The following PLIN4 variants were observed in gnomAD, a reference collection of about 807,000 sequenced individuals.
The protein encoded by PLIN4 is perilipin-4.
PLIN4 carries 57 observed loss-of-function variants against 52.4 expected under a neutral mutation model. The ratio of observed to expected loss-of-function variants is 1.09; its 90% CI spans 0.88 to 1.36. PLIN4 has a LOEUF of 1.36. Among genes scored for constraint, PLIN4 ranks in the 40% most tolerant of loss-of-function variants. The pLI is 0.00. For synonymous variants in PLIN4, 826 were observed against 785.4 expected (o/e 1.05, Z -0.86); for missense variants, 1,757 against 1,770.3 (o/e 0.99, Z 0.13).
In PLIN4 at chr19:4,511,365, A is replaced by C. The variant is rs181881862; in HGVS notation, c.2595T>G (p.Leu865=). The C allele has an allele frequency of 3.5e-4, 284 of 807,216 alleles. 3 individuals carry two copies. The highest frequency in any genetic ancestry group is 4.4e-4 in the Non-Finnish European group (251 of 568,782). The allele number at this position is 807,216 out of a possible 1,614,324, so 50.0% of individuals were successfully genotyped here. The change falls in exon 5 of 8, where the codon CTT becomes CTG. Residue 865 remains leucine (L), a synonymous_variant. Transcript: ENST00000301286. ...QNIATGTKNT[L]GSGVTGAAKV... ...TCGCAGCACCGGTCACCCCACTGCC[A>C]AGGGTGTTCTTTGTACCTGTTGCGA...
rs928973886 is a variant in PLIN4, at chr19:4,508,797, G to C, written c.3673C>G (p.Leu1225Val). The C allele has an allele frequency of 3.1e-6, 5 of 1,595,302 alleles. No homozygotes were observed. The highest frequency in any genetic ancestry group is 2.7e-5 in the African/African-American group (2 of 74,490). The change falls in exon 6 of 8, where the codon CTG (leucine) becomes GTG (valine). Residue 1225 changes from leucine (L) to valine (V), a missense_variant. Physicochemically the swap from Leu to Val is conservative, Grantham distance 32. Around this residue, in one of 7 missense-constraint regions of PLIN4, gnomAD observed 712 missense variants for 637.1 expected, o/e 1.12. Transcript: ENST00000301286. ...CTGAAGCAGTCCTGGAGCTGGGCCA[G>C]AGTGTCCCTGGCTTGGAACTGGCCG... ...QHGQFQARDT[L>V]AQLQDCFRLI...
In PLIN4 at chr19:4,512,196, G is replaced by C; in HGVS notation, c.1764C>G (p.Asp588Glu). Residue 588 changes from aspartate to glutamate, a missense_variant, in exon 5 of 8, where the codon GAC becomes GAG. Physicochemically the swap from Asp to Glu is conservative, Grantham distance 45. This residue lies in a region of PLIN4 where 439 missense variants were observed against 406.4 expected (regional missense o/e 1.08). Coordinates refer to ENST00000301286, the MANE Select transcript of PLIN4 (RefSeq NM_001367868.2). The stretch of plus-strand genomic sequence containing the variant: ...TGCCGGTCAGCACGGTCTTGGCTGT[G>C]TCTACACCTGTCTGGACAGCCCCCT... ...VAKGAVQTGV[D>E]TAKTVLTGTK... 3 of 1,612,384 alleles carry C rather than the reference G, an allele frequency of 1.9e-6. No homozygotes were observed. Among genetic ancestry groups the C allele is most frequent in the Non-Finnish European group, 2.5e-6 (3 of 1,179,640 alleles).
rs376540463 is a variant in PLIN4 at position 4,517,616 on chromosome 19, G to A, written c.134C>T (p.Ala45Val). 13 of 1,610,100 alleles carry A rather than the reference G, an allele frequency of 8.1e-6. No individual in the cohort carries two copies. The African/African-American group carries it at 1.6e-4, about 20-fold the overall frequency. Residue 45 changes from alanine (A) to valine (V), a missense_variant, in exon 3 of 8, where the codon GCC (alanine) becomes GTC (valine). Physicochemically the swap from Ala to Val is moderately conservative, Grantham distance 64. Transcript: ENST00000301286. ...TCCTGTGGGGTCAGCGGCCGGCCGGGCTCTCGCCGAGCTATGTGCGTTGGC... is the reference window on the plus strand; with the variant it reads ...TCCTGTGGGGTCAGCGGCCGGCCGGACTCTCGCCGAGCTATGTGCGTTGGC... ...LVANAHSSAR[A>V]RPAADPTGAP...
Position 4,512,259 on chromosome 19 carries a change from C to A in PLIN4, c.1701G>T (p.Thr567=), listed in dbSNP as rs767265114. 1.2e-5 allele frequency: 19 copies of A among 1,608,420 alleles called. No homozygotes were observed. Among genetic ancestry groups the A allele is most frequent in the Admixed American group, 1.7e-5 (1 of 59,484 alleles). Residue 567 remains threonine, a synonymous_variant, in exon 5 of 8, where the codon ACG becomes ACT. Transcript: ENST00000301286. ...CTGCCCCCGTGAGCCCAGTGGACATCGTGTCTTTTGTACCTATGACCACAG... is the reference window on the plus strand; with the variant it reads ...CTGCCCCCGTGAGCCCAGTGGACATAGTGTCTTTTGTACCTATGACCACAG... ...TKSVVIGTKD[T]MSTGLTGAAN...
Position 4,504,401 on chromosome 19 carries a change from G to A in PLIN4, c.*58C>T. On this transcript the variant is annotated 3_prime_UTR_variant, in exon 8 of 8. Coordinates refer to ENST00000301286, the MANE Select transcript of PLIN4 (RefSeq NM_001367868.2). Reference sequence around the variant, plus strand: ...TTGGGGGCGGGGAGAAAGTTCTGAGGCAGCTCCTCCCTGGACAGAGCAGGG... The same window carrying A: ...TTGGGGGCGGGGAGAAAGTTCTGAGACAGCTCCTCCCTGGACAGAGCAGGG... 12 of 1,411,504 alleles carry A rather than the reference G, an allele frequency of 8.5e-6. No individual in the cohort carries two copies. The South Asian group carries it at 1.5e-4, about 17-fold the overall frequency. The allele number at this position is 1,411,504 out of a possible 1,614,324, so 87.4% of individuals were successfully genotyped here. A position where few individuals can be genotyped will look rare whatever the true frequency, so the allele number is the denominator to read the frequency against.
Position 4,504,447 on chromosome 19 carries a change from A to G in PLIN4, c.*12T>C. 3 of 1,546,618 alleles carry G rather than the reference A, an allele frequency of 1.9e-6. No homozygotes were observed. Among genetic ancestry groups the G allele is most frequent in the Non-Finnish European group, 2.6e-6 (3 of 1,145,986 alleles). On this transcript the variant is annotated 3_prime_UTR_variant, in exon 8 of 8. Coordinates refer to ENST00000301286, the MANE Select transcript of PLIN4 (RefSeq NM_001367868.2). The stretch of plus-strand genomic sequence containing the variant: ...CAGGGCGACCCCGCGCCGGGCCTGC[A>G]GGCTCCTACAGCTACTGCCCGCCAG...
intron 6 of PLIN4, among the ~76,000 whole-genome samples, chr19:4,506,327 C>T (rs1976092712): frequency 6.6e-6 from 1 of 152,184 alleles, no homozygotes; most frequent in Admixed American, 6.5e-5. Context: ...CGGGCCGTGC[C>T]CTCCGCTCAG....
rs201053045 is a variant in PLIN4 at position 4,512,402 on chromosome 19, C to T, written c.1558G>A (p.Gly520Ser). The T allele has an allele frequency of 2.0e-4, 315 of 1,608,590 alleles. No individual in the cohort carries two copies. Among genetic ancestry groups the T allele is most frequent in the East Asian group, 3.6e-4 (16 of 44,738 alleles). ...VNVAKGTVQT[G>S]VDTTKTVLTG... is the part of the protein sequence containing the mutation. ...AGGACAGTCTTGGTGGTGTCTACGC[C>T]GGTCTGGACGGTCCCTTTGGCCACG... Residue 520 changes from glycine (G) to serine (S), a missense_variant, in exon 5 of 8, where the codon GGC becomes AGC. This residue lies in a region of PLIN4 where 439 missense variants were observed against 406.4 expected (regional missense o/e 1.08). Transcript: ENST00000301286.
Position 4,502,418 on chromosome 19 carries a change from CAA to C in PLIN4, c.*2039_*2040del, listed in dbSNP as rs1424086659. 5 of 339,472 alleles carry C rather than the reference CAA, an allele frequency of 1.5e-5. No individual in the cohort carries two copies. Among genetic ancestry groups the C allele is most frequent in the African/African-American group, 1.1e-4 (5 of 45,436 alleles). 21.0% of individuals were successfully genotyped at this position (339,472 alleles called of 1,614,324 possible). ...GCGGGAGCAAGCTCTTCCCAGGAGA[CAA>C]GAGGGACAAACCAGGGCATCTAAGC... On this transcript the variant is annotated 3_prime_UTR_variant, in exon 8 of 8. Transcript: ENST00000301286.
rs555475848 is a variant in PLIN4 at position 4,510,944 on chromosome 19, T to C, written c.3016A>G (p.Ser1006Gly). 6.2e-7 allele frequency: 1 copy of C among 1,612,336 alleles called. No homozygotes were observed. Among genetic ancestry groups the C allele is most frequent in the South Asian group, 1.1e-5 (1 of 90,972 alleles). The change falls in exon 5 of 8, where the codon AGC (serine) becomes GGC (glycine). Residue 1006 changes from serine to glycine, a missense_variant. This residue lies in a region of PLIN4 where 712 missense variants were observed against 637.1 expected (regional missense o/e 1.12). Transcript: ENST00000301286. ...CCCTGGACGGCCCCTTTGGCCATGC[T>C]CATGGCACCGGTAACCCCACTGAAG... ...TVFSGVTGAM[S>G]MAKGAVQGGL...
chr19:4,512,371 C>T lies in PLIN4; in HGVS notation c.1589G>A (p.Gly530Asp). The T allele has an allele frequency of 1.2e-6, 2 of 1,609,068 alleles. No homozygotes were observed. The highest frequency in any genetic ancestry group is 2.2e-5 in the East Asian group (1 of 44,786). Residue 530 changes from glycine (G) to aspartate (D), a missense_variant, in exon 5 of 8, where the codon GGC becomes GAC. Around this residue, in one of 7 missense-constraint regions of PLIN4, gnomAD observed 439 missense variants for 406.4 expected, o/e 1.08. Coordinates refer to ENST00000301286, the MANE Select transcript of PLIN4 (RefSeq NM_001367868.2). ...GVDTTKTVLT[G>D]TKDTVCSGVT... ...CCCACTGCAGACGGTGTCCTTGGTG[C>T]CGGTTAGGACAGTCTTGGTGGTGTC...
intron 5 of PLIN4, among the ~76,000 whole-genome samples, chr19:4,509,371 C>T (rs1203434942): frequency 1.4e-5 from 2 of 141,428 alleles, no homozygotes; most frequent in Admixed American, 7.6e-5. Flanking sequence ...AATCACAGCA[C>T]ATTGGGAGGC....
rs370291369 is a variant in PLIN4, at chr19:4,511,215, G to C, written c.2745C>G (p.Thr915=). The C allele has an allele frequency of 3.1e-6, 5 of 1,612,554 alleles. No individual in the cohort carries two copies. The highest frequency in any genetic ancestry group is 3.4e-6 in the Non-Finnish European group (4 of 1,179,052). Residue 915 remains threonine (T), a synonymous_variant, in exon 5 of 8, where the codon ACC becomes ACG. Transcript: ENST00000301286. ...GGACAGTCTTGCTGGTGTCCACGCC[G>C]GTCTGGACAGTCCCTTTGGCCAAGT... ...AVNLAKGTVQ[T]GVDTSKTVLT...
At chr19:4,507,630 A>G (rs1976133969) in intron 6 of PLIN4, among the ~76,000 whole-genome samples, 1 of 152,122 alleles carries the variant, frequency 6.6e-6, no homozygotes, top group Non-Finnish European at 1.5e-5. Context: ...TTGAAGCTGC[A>G]GTGGGCCATG....
intron 6 of PLIN4, among the ~76,000 whole-genome samples, chr19:4,506,498 C>T (rs555472474): frequency 5.3e-5 from 8 of 152,354 alleles, no homozygotes; most frequent in Admixed American, 2.6e-4. Flanking sequence ...ATATATTCAT[C>T]TGTGAATTGT....
In PLIN4 at chr19:4,511,006, G is replaced by T; in HGVS notation, c.2954C>A (p.Ala985Asp). 1 of 1,613,192 alleles carries T rather than the reference G, an allele frequency of 6.2e-7. No individual in the cohort carries two copies. Among genetic ancestry groups the T allele is most frequent in the South Asian group, 1.1e-5 (1 of 91,074 alleles). Residue 985 changes from alanine (A) to aspartate (D), a missense_variant, in exon 5 of 8, where the codon GCC (alanine) becomes GAC (aspartate). This residue lies in a region of PLIN4 where 712 missense variants were observed against 637.1 expected (regional missense o/e 1.12). Transcript: ENST00000301286. ...AKGTVQTGVDASKAVLMGTKD... is the reference protein window; with the variant it reads ...AKGTVQTGVDDSKAVLMGTKD... Reference sequence around the variant, plus strand: ...GGTACCCATAAGCACAGCCTTGGAGGCGTCCACGCCGGTCTGCACGGTTCC... The same window carrying T: ...GGTACCCATAAGCACAGCCTTGGAGTCGTCCACGCCGGTCTGCACGGTTCC...
chr19:4,512,868 A>T lies in PLIN4; in HGVS notation c.1092T>A (p.Thr364=), dbSNP rs61731458. 1,173 of 1,544,998 alleles carry T rather than the reference A, an allele frequency of 7.6e-4. 446 individuals carry two copies. The African/African-American group carries it at 0.028, about 36-fold the overall frequency. The stretch of plus-strand genomic sequence containing the variant: ...CACTGCAGACAGTGTTCTTGGTGCC[A>T]GTTAGGACAGTCTTGGTGGTGTCCA... ...TGVDTTKTVL[T]GTKNTVCSGV... Residue 364 remains threonine (T), a synonymous_variant, in exon 5 of 8, where the codon ACT becomes ACA. Transcript: ENST00000301286.
In PLIN4 at chr19:4,508,832, T is replaced by G. The variant is rs755394465; in HGVS notation, c.3638A>C (p.His1213Pro). 6.2e-7 allele frequency: 1 copy of G among 1,606,942 alleles called. No homozygotes were observed. Among genetic ancestry groups the G allele is most frequent in the South Asian group, 1.1e-5 (1 of 89,698 alleles). ...RQRAFEHAVS[H>P]LQHGQFQARD... is the part of the protein sequence containing the mutation. ...GGCTTGGAACTGGCCGTGCTGCAGGTGGCTCACCGCGTGTTCAAATGCCCG... is the reference window on the plus strand; with the variant it reads ...GGCTTGGAACTGGCCGTGCTGCAGGGGGCTCACCGCGTGTTCAAATGCCCG... Residue 1213 changes from histidine (H) to proline (P), a missense_variant, in exon 6 of 8, where the codon CAC becomes CCC. Physicochemically the swap from His to Pro is moderately conservative, Grantham distance 77. This residue lies in a region of PLIN4 where 712 missense variants were observed against 637.1 expected (regional missense o/e 1.12). Coordinates refer to ENST00000301286, the MANE Select transcript of PLIN4 (RefSeq NM_001367868.2).
At position 4,504,325 on chromosome 19, in the gene PLIN4, T is replaced by C; in HGVS notation, c.*134A>G. On this transcript the variant is annotated 3_prime_UTR_variant, in exon 8 of 8. Coordinates refer to ENST00000301286, the MANE Select transcript of PLIN4 (RefSeq NM_001367868.2). ...CACTGCCTCCGCAGCCCCTCGGCGC[T>C]CAGCCAGCTGCAGCCCCAAAGGTCT... 1 of 943,432 alleles carries C rather than the reference T, an allele frequency of 1.1e-6. No individual in the cohort carries two copies. The highest frequency in any genetic ancestry group is 1.5e-6 in the Non-Finnish European group (1 of 661,116). The allele number at this position is 943,432 out of a possible 1,614,324, so 58.4% of individuals were successfully genotyped here. A position where few individuals can be genotyped will look rare whatever the true frequency, so the allele number is the denominator to read the frequency against.
Sources: gnomAD v4.1 joint callset for allele counts (sites outside exome capture counted in the v4.1 genomes callset) on GRCh38, gnomAD v4.1.1 for gene constraint, gnomAD v4.1.1 regional missense constraint, MANE v1.5 for transcripts, NCBI Gene and HGNC (gene_info 2026-07-23, HGNC 2026-07-21) for gene names.